Variants in COCH observed in about 807,000 individuals in gnomAD.
COCH encodes coagulation factor C homolog, cochlin (Limulus polyphemus).
A neutral mutation model predicts 54.8 loss-of-function variants in COCH; 40 were observed. The ratio of observed to expected loss-of-function variants is 0.73; its 90% CI spans 0.57 to 0.95. The LOEUF is 0.95. Ranked by LOEUF, COCH falls within the 40% of genes least tolerant of loss-of-function variation. The pLI, the probability that COCH is intolerant of heterozygous loss-of-function variation, is 0.00. For synonymous variants in COCH, 256 were observed against 237.9 expected (o/e 1.08, Z -0.70); for missense variants, 605 against 675.0 (o/e 0.90, Z 1.15).
rs1391259292 is a variant in COCH, at chr14:30,886,119, G to C, written c.1284G>C (p.Glu428Asp). The change falls in exon 11 of 12, where the codon GAG (glutamate) becomes GAC (aspartate). Residue 428 changes from glutamate (E) to aspartate (D), a missense_variant. Glu to Asp is a conservative substitution (Grantham distance 45). Transcript: ENST00000396618. The stretch of plus-strand genomic sequence containing the variant: ...GTTTCACTGACTATAGCACCAAAGA[G>C]AATGTCCTAGCTGTCATCAGAAACA... Reference protein sequence around the residue: ...EFSFTDYSTKENVLAVIRNIR... With the variant: ...EFSFTDYSTKDNVLAVIRNIR... The C allele has an allele frequency of 3.1e-6, 5 of 1,613,852 alleles. No homozygotes were observed. Among genetic ancestry groups the C allele is most frequent in the Non-Finnish European group, 2.5e-6 (3 of 1,179,708 alleles).
intron 6 of COCH, 152 bp downstream of exon 6, chr14:30,879,637 A>G (rs553520822): frequency 2.6e-6 from 2 of 771,646 alleles, no homozygotes; most frequent in East Asian, 5.4e-5. Context: ...TTACATATGG[A>G]AACATTCATT....
Position 30,885,455 on chromosome 14 carries a change from G to A in COCH, c.795G>A (p.Gly265=), listed in dbSNP as rs1895753140. 6 of 1,614,162 alleles carry A rather than the reference G, an allele frequency of 3.7e-6. No individual in the cohort carries two copies. In the East Asian group the frequency reaches 1.3e-4, roughly 36 times the overall value. ...FFTVDAGVRK[G]IPKVVVVFID... is the part of the protein sequence containing the mutation. ...CGGTAGATGCTGGAGTAAGAAAAGG[G>A]ATCCCCAAAGTGGTGGTGGTATTTA... is the stretch of plus-strand genomic sequence containing the variant. Residue 265 remains glycine (G), a synonymous_variant, in exon 10 of 12, where the codon GGG becomes GGA. Transcript: ENST00000396618.
In COCH at chr14:30,875,098, G is replaced by C. The variant is rs1280773398; in HGVS notation, c.77G>C (p.Gly26Ala). Residue 26 changes from glycine to alanine, a missense_variant, in exon 3 of 12, where the codon GGA (glycine) becomes GCA (alanine). Transcript: ENST00000396618. Reference protein sequence around the residue: ...LLLPGPAGSEGAAPIAITCFT... With the variant: ...LLLPGPAGSEAAAPIAITCFT... ...CTGCCGGGGCCCGCGGGCAGCGAGG[G>C]AGCCGGTGAGTGGGGGAGCTGGGGT... is the stretch of plus-strand genomic sequence containing the variant. 5.7e-6 allele frequency: 9 copies of C among 1,570,894 alleles called. No homozygotes were observed. Among genetic ancestry groups the C allele is most frequent in the Non-Finnish European group, 7.8e-6 (9 of 1,158,654 alleles).
intron 8 of COCH, among the ~76,000 whole-genome samples, chr14:30,884,197 C>G (rs1272170140): frequency 6.6e-6 from 1 of 152,202 alleles, no homozygotes; most frequent in East Asian, 1.9e-4. Flanking sequence ...ACTTAAAATG[C>G]AGCTGTGTTT....
At chr14:30,875,987 G>A (rs1032407254) in intron 3 of COCH, 3 of 152,150 alleles carry the variant, frequency 2.0e-5, no homozygotes, top group African/African-American at 7.2e-5. Context: ...TAAGAAATGG[G>A]CATTGCGCCT....
chr14:30,882,971 A>C (rs1895667372), intron 8 of COCH, among the ~76,000 whole-genome samples: 1 of 152,258 alleles, frequency 6.6e-6, no homozygotes, highest in South Asian at 2.1e-4. Context: ...AAGGTTGTAT[A>C]AACAGTGCTA....
intron 8 of COCH, among the ~76,000 whole-genome samples, chr14:30,882,422 G>T (rs531097581): frequency 6.6e-6 from 1 of 151,874 alleles, no homozygotes; most frequent in African/African-American, 2.4e-5. Context: ...GAGCTACCAC[G>T]CCTGGCCCCT....
In COCH at chr14:30,877,555, A is replaced by C. The variant is rs762738272; in HGVS notation, c.83-17A>C. On this transcript the variant is annotated splice_polypyrimidine_tract_variant and intron_variant, in intron 3 of 11. Coordinates refer to ENST00000396618, the MANE Select transcript of COCH (RefSeq NM_004086.3). The surrounding 1 kb of genome is among the most constrained non-coding windows in gnomAD (Gnocchi z 8.6). Reference sequence around the variant, plus strand: ...AAGTCCTAAGAATGCTTACAATATTATCTCCTTTTTCTTCAGCTCCCATTG... The same window carrying C: ...AAGTCCTAAGAATGCTTACAATATTCTCTCCTTTTTCTTCAGCTCCCATTG... 12 of 1,613,784 alleles carry C rather than the reference A, an allele frequency of 7.4e-6. No homozygotes were observed. In the East Asian group the frequency reaches 2.7e-4, roughly 36 times the overall value.
Position 30,890,457 on chromosome 14 carries a change from T to C in COCH, c.*666T>C, listed in dbSNP as rs56229109. 1,158 of 951,944 alleles carry C rather than the reference T, an allele frequency of 1.2e-3. 5 individuals are homozygous for C. In the African/African-American group the frequency reaches 0.018, roughly 15 times the overall value. The allele number at this position is 951,944 out of a possible 1,614,324, so 59.0% of individuals were successfully genotyped here. On this transcript the variant is annotated 3_prime_UTR_variant, in exon 12 of 12. Coordinates refer to ENST00000396618, the MANE Select transcript of COCH (RefSeq NM_004086.3). ...TTAATTTTATATGTATATAGATATA[T>C]TTGGCTTATATTCTAAGTCACCTAA... is the stretch of plus-strand genomic sequence containing the variant.
chr14:30,892,602 G>GT (rs1258520266), downstream of COCH, among the ~76,000 whole-genome samples: 4 of 152,206 alleles, frequency 2.6e-5, no homozygotes, highest in Non-Finnish European at 4.4e-5. Flanking sequence ...TGACTCAGGA[G>GT]TTTGAGACCT....
intron 3 of COCH, chr14:30,876,338 G>GTTGACAGTGTAAAAC (rs1895356041): frequency 6.6e-6 from 1 of 152,102 alleles, no homozygotes; most frequent in South Asian, 2.1e-4. Flanking sequence ...TCTTTGTTAG[G>GTTGACAGTGTAAAAC]TTGACAGTGT....
intron 6 of COCH, 58 bp from the exon 7 acceptor site, chr14:30,880,394 G>A: frequency 2.5e-6 from 4 of 1,603,976 alleles, no homozygotes; most frequent in Non-Finnish European, 3.4e-6. Context: ...CCCCATGTGG[G>A]TTTCTTGCTA....
At chr14:30,894,923 T>C, downstream of COCH, 1 of 1,118,160 alleles carries the variant, frequency 8.9e-7, no homozygotes, top group Non-Finnish European at 1.1e-6. Context: ...CAAAATAAGT[T>C]TAAAAGGGAA....
intron 3 of COCH, among the ~76,000 whole-genome samples, chr14:30,876,905 C>T (rs1319371687): frequency 2.0e-5 from 3 of 151,938 alleles, no homozygotes; most frequent in Admixed American, 1.3e-4. Context: ...CTCAAGCAAT[C>T]CTCCCACCTC....
At chr14:30,892,099 A>C (rs1485072152), downstream of COCH, among the ~76,000 whole-genome samples, 6 of 133,574 alleles carry the variant, frequency 4.5e-5, no homozygotes, top group African/African-American at 1.5e-4. Flanking sequence ...GATTTGTATA[A>C]AGTACTATTT....
chr14:30,888,630 AT>A (rs1229453956), intron 11 of COCH, among the ~76,000 whole-genome samples: 3 of 151,942 alleles, frequency 2.0e-5, no homozygotes, highest in African/African-American at 7.3e-5. Context: ...CTACAAAGAA[AT>A]TTAAAAATTA....
chr14:30,880,554 T>G (rs751651997), intron 7 of COCH, 33 bp from the exon 8 acceptor site: 2 of 1,614,180 alleles, frequency 1.2e-6, no homozygotes, highest in Non-Finnish European at 1.7e-6. Flanking sequence ...CTCTTGAGAC[T>G]GCTAATGAGG....
intron 3 of COCH, chr14:30,875,371 C>T: frequency 3.3e-6 from 2 of 606,004 alleles, no homozygotes; most frequent in Non-Finnish European, 2.9e-6. Context: ...TCCAGGCCCA[C>T]CCACAGCCCC....
chr14:30,889,940 T>C lies in COCH; in HGVS notation c.*149T>C. 9.3e-6 allele frequency: 13 copies of C among 1,405,150 alleles called. No individual in the cohort carries two copies. Among genetic ancestry groups the C allele is most frequent in the Non-Finnish European group, 1.2e-5 (13 of 1,080,912 alleles). The allele number at this position is 1,405,150 out of a possible 1,614,324, so 87.0% of individuals were successfully genotyped here. ...GCCATTTAGGCAAATAAGCACTCCT[T>C]TAAAGCCGCTGCCTTCTGGTTACAA... On this transcript the variant is annotated 3_prime_UTR_variant, in exon 12 of 12. Coordinates refer to ENST00000396618, the MANE Select transcript of COCH (RefSeq NM_004086.3).
Sources: allele counts gnomAD v4.1 joint callset (sites outside exome capture counted in the v4.1 genomes callset), GRCh38; gene constraint gnomAD v4.1.1; non-coding constraint Gnocchi (gnomAD v3.1); transcripts MANE v1.5; gene names NCBI Gene and HGNC (gene_info 2026-07-23, HGNC 2026-07-21).